CREB3L2: variants seen among roughly 807,000 people sequenced by gnomAD.
The protein encoded by CREB3L2 is cAMP responsive element binding protein 3 like 2, also known as cyclic AMP-responsive element-binding protein 3-like protein 2.
In CREB3L2, 23 loss-of-function variants were observed where a neutral mutation model predicts 57.2. That is an observed-to-expected ratio of 0.40 (90% CI 0.29 to 0.57). CREB3L2 has a LOEUF of 0.57. Ranked by LOEUF, CREB3L2 falls within the 20% of genes least tolerant of loss-of-function variation. The pLI, the probability that CREB3L2 is intolerant of heterozygous loss-of-function variation, is 0.42. For synonymous variants in CREB3L2, 268 were observed against 265.1 expected (o/e 1.01, Z -0.11); for missense variants, 628 against 634.7 (o/e 0.99, Z 0.11).
At chr7:137,922,453 TACACAC>T (rs199805163) in intron 2 of CREB3L2, 9 of 72,568 alleles carry the variant, frequency 1.2e-4, no homozygotes, top group African/African-American at 4.4e-4. Context: ...TATATATATA[TACACAC>T]ATATATATAT....
chr7:137,953,219 G>A, intron 1 of CREB3L2: 2 of 333,708 alleles, frequency 6.0e-6, no homozygotes, highest in African/African-American at 2.1e-5. Flanking sequence ...AGAGAGCTCA[G>A]GGTTAGACAG....
Position 137,946,856 on chromosome 7 carries a change from CTA to C in CREB3L2, c.103-18492_103-18491del, listed in dbSNP as rs59249493. Among the ~76,000 whole-genome samples, 2 of 32,024 alleles carry C rather than the reference CTA, an allele frequency of 6.2e-5. 1 individual carries two copies. Among genetic ancestry groups the C allele is most frequent in the Non-Finnish European group, 1.1e-4 (2 of 17,952 alleles). The allele number at this position is 32,024 out of a possible 152,430, so 21.0% of individuals were successfully genotyped here. Reference sequence around the variant, plus strand: ...TATATATAGTTATCTATATAGTTATCTATATAGTTATATATATAGTTATCTAT... The same window carrying C: ...TATATATAGTTATCTATATAGTTATCTATAGTTATATATATAGTTATCTAT... On this transcript the variant is annotated intron_variant, in intron 1 of 11. Transcript: ENST00000330387.
chr7:137,901,047 G>C (rs933179192), intron 8 of CREB3L2, among the ~76,000 whole-genome samples: 1 of 152,070 alleles, frequency 6.6e-6, no homozygotes, highest in Non-Finnish European at 1.5e-5. Flanking sequence ...TTTAGGAAAA[G>C]TAAAGAATAT....
chr7:137,947,927 C>T (rs1010653246), intron 1 of CREB3L2, among the ~76,000 whole-genome samples: 9 of 152,166 alleles, frequency 5.9e-5, no homozygotes, highest in East Asian at 3.9e-4. Flanking sequence ...AGGCCTCCTC[C>T]GGCCCGACCT....
chr7:137,975,232 G>A (rs1403202547), intron 1 of CREB3L2, among the ~76,000 whole-genome samples: 1 of 152,176 alleles, frequency 6.6e-6, no homozygotes, highest in Non-Finnish European at 1.5e-5. Flanking sequence ...AACTCAGGAG[G>A]AGTTTAATCC....
intron 1 of CREB3L2, among the ~76,000 whole-genome samples, chr7:137,942,545 G>A (rs1318265452): frequency 6.6e-6 from 1 of 152,122 alleles, no homozygotes; most frequent in Non-Finnish European, 1.5e-5. Context: ...ACTTGGTAGA[G>A]TTGAAGAATT....
intron 1 of CREB3L2, among the ~76,000 whole-genome samples, chr7:137,945,928 T>C (rs1011687193): frequency 3.1e-4 from 47 of 152,204 alleles, no homozygotes; most frequent in African/African-American, 1.0e-3. Context: ...TTGTATTTAG[T>C]GGCCGTTTCT....
chr7:137,915,447 A>C (rs1301966499), intron 3 of CREB3L2, among the ~76,000 whole-genome samples: 1 of 152,166 alleles, frequency 6.6e-6, no homozygotes, highest in Non-Finnish European at 1.5e-5. Context: ...ATTACACAGG[A>C]GCTCACATTC....
intron 1 of CREB3L2, among the ~76,000 whole-genome samples, chr7:137,934,211 T>G (rs978491496): frequency 2.0e-5 from 3 of 152,226 alleles, no homozygotes; most frequent in Non-Finnish European, 4.4e-5. Flanking sequence ...TGTCCCCTAC[T>G]GAGAGACCTT....
At chr7:137,900,732 A>G (rs1477919842) in intron 8 of CREB3L2, among the ~76,000 whole-genome samples, 1 of 151,890 alleles carries the variant, frequency 6.6e-6, no homozygotes, top group Non-Finnish European at 1.5e-5. Flanking sequence ...TGAACCCGGG[A>G]GGCAGAGCTT....
chr7:137,943,144 G>A (rs1030071810), intron 1 of CREB3L2, among the ~76,000 whole-genome samples: 1 of 152,108 alleles, frequency 6.6e-6, no homozygotes, highest in Admixed American at 6.6e-5. Context: ...TCTTTTGTTA[G>A]GAAATAAAAT....
intron 11 of CREB3L2, among the ~76,000 whole-genome samples, chr7:137,881,820 G>A (rs897284055): frequency 6.6e-6 from 1 of 152,158 alleles, no homozygotes; most frequent in Non-Finnish European, 1.5e-5. Context: ...CCCAGAAACT[G>A]AGAAACAACT....
rs139604936 is a variant in CREB3L2, at chr7:137,875,145, G to A, written c.*5331C>T. On this transcript the variant is annotated 3_prime_UTR_variant, in exon 12 of 12. Transcript: ENST00000330387. ...AAGAATAAAAAGTCATTTAAAAAAC[G>A]CGATAGGACAGATAACAGACTCACA... 6.1e-5 allele frequency: 12 copies of A among 197,914 alleles called. No homozygotes were observed. The highest frequency in any genetic ancestry group is 3.7e-4 in the Admixed American group (6 of 16,176). The allele number at this position is 197,914 out of a possible 1,614,324, so 12.3% of individuals were successfully genotyped here. A position where few individuals can be genotyped will look rare whatever the true frequency, so the allele number is the denominator to read the frequency against.
rs574310470 is a variant in CREB3L2, at chr7:137,885,100, C to T, written c.1165G>A (p.Val389Ile). The change falls in exon 10 of 12, where the codon GTT (valine) becomes ATT (isoleucine). Residue 389 changes from valine (V) to isoleucine (I), a missense_variant. Transcript: ENST00000330387. ...CLMVVVLCFA[V>I]AFGSFFQGYG... ...CCTTGAAAGAAGCTGCCGAATGCAA[C>T]GGCAAAGCACAGCACCACAACCTGT... The T allele has an allele frequency of 3.4e-5, 55 of 1,614,110 alleles. 1 individual carries two copies. Among genetic ancestry groups the T allele is most frequent in the South Asian group, 2.5e-4 (23 of 91,064 alleles).
intron 5 of CREB3L2, among the ~76,000 whole-genome samples, chr7:137,906,848 G>A (rs1179157158): frequency 6.6e-6 from 1 of 152,224 alleles, no homozygotes; most frequent in African/African-American, 2.4e-5. Context: ...GACATGACTT[G>A]CTCCTCCTCG....
chr7:137,906,917 C>T (rs754385254), intron 5 of CREB3L2, among the ~76,000 whole-genome samples: 1 of 152,220 alleles, frequency 6.6e-6, no homozygotes, highest in Admixed American at 6.5e-5. Flanking sequence ...CCAATTAAAC[C>T]TCTTTCTCTT....
In CREB3L2 at chr7:137,913,728, C is replaced by G. The variant is rs529798480; in HGVS notation, c.496-650G>C. Among the ~76,000 whole-genome samples, 415 of 151,872 alleles carry G rather than the reference C, an allele frequency of 2.7e-3. 1 individual carries two copies. Among genetic ancestry groups the G allele is most frequent in the Non-Finnish European group, 4.3e-3 (294 of 67,974 alleles). ...ATACATAGTTTGGGTAAAGTAAGAACCAAACACTGCTTCCACTCCCCCTAT... is the reference window on the plus strand; with the variant it reads ...ATACATAGTTTGGGTAAAGTAAGAAGCAAACACTGCTTCCACTCCCCCTAT... On this transcript the variant is annotated intron_variant, in intron 3 of 11. Transcript: ENST00000330387.
chr7:137,973,195 T>C (rs1191698939), intron 1 of CREB3L2, among the ~76,000 whole-genome samples: 1 of 144,632 alleles, frequency 6.9e-6, no homozygotes, highest in South Asian at 2.2e-4. Context: ...AAAAAAGAAA[T>C]AGCATATCAT....
At chr7:137,971,925 A>G (rs1056811181) in intron 1 of CREB3L2, among the ~76,000 whole-genome samples, 3 of 136,574 alleles carry the variant, frequency 2.2e-5, no homozygotes, top group African/African-American at 3.1e-5. Context: ...TCATTTGTTC[A>G]CTTCCTTAAA....
Sources: gnomAD v4.1 joint callset for allele counts (sites outside exome capture counted in the v4.1 genomes callset) on GRCh38, gnomAD v4.1.1 for gene constraint, MANE v1.5 for transcripts, NCBI Gene and HGNC (gene_info 2026-07-23, HGNC 2026-07-21) for gene names.